The following CCNB1IP1 variants were observed in gnomAD, a reference collection of about 807,000 sequenced individuals.
CCNB1IP1 encodes the protein cyclin B1 interacting protein 1, also known as E3 ubiquitin-protein ligase CCNB1IP1.
CCNB1IP1 carries 14 observed loss-of-function variants against 25.6 expected under a neutral mutation model. The ratio of observed to expected loss-of-function variants is 0.55; its 90% CI spans 0.36 to 0.85. CCNB1IP1 has a LOEUF of 0.85. Among genes scored for constraint, CCNB1IP1 ranks in the 40% least tolerant of loss-of-function variants. The probability of loss-of-function intolerance (pLI) is 0.01; values close to 1 mark genes in which losing one functional copy is unlikely to be tolerated. For synonymous variants in CCNB1IP1, 119 were observed against 116.1 expected (o/e 1.02, Z -0.16); for missense variants, 278 against 342.4 (o/e 0.81, Z 1.48).
chr14:20,313,906 G>A (rs908276222), intron 5 of CCNB1IP1, 105 bp from the exon 6 acceptor site: 3 of 814,412 alleles, frequency 3.7e-6, no homozygotes, highest in African/African-American at 1.7e-5. Context: ...ATATAGGGAT[G>A]TTATTTTATC....
At chr14:20,315,458 G>C (rs919737705) in intron 5 of CCNB1IP1, 10 of 1,084,626 alleles carry the variant, frequency 9.2e-6, no homozygotes, top group Non-Finnish European at 1.1e-5. Context: ...TTGAAAAATA[G>C]AGGAGCATGT....
chr14:20,311,628 A>G lies in CCNB1IP1; in HGVS notation c.756T>C (p.Phe252=). The G allele has an allele frequency of 6.2e-7, 1 of 1,614,120 alleles. No homozygotes were observed. Among genetic ancestry groups the G allele is most frequent in the South Asian group, 1.1e-5 (1 of 91,088 alleles). ...CACGACTTGGAGAGACAAAACTAAA[A>G]AAGCTGTTGCTGGGTTCAGGTGCTG... ...SPTAPEPSNS[F]FSFVSPSREL... The change falls in exon 7 of 7, where the codon TTT becomes TTC. Residue 252 remains phenylalanine, a synonymous_variant. Coordinates refer to ENST00000358932, the MANE Select transcript of CCNB1IP1 (RefSeq NM_021178.5).
rs775929200 is a variant in CCNB1IP1 at position 20,313,465 on chromosome 14, T to C, written c.631+3A>G. The C allele has an allele frequency of 2.5e-6, 4 of 1,569,970 alleles. No individual in the cohort carries two copies. The highest frequency in any genetic ancestry group is 2.3e-5 in the East Asian group (1 of 44,368). ...CAGACACTTGATACATGTCCTTTCT[T>C]ACCTAATGGGAAGCCAAGAACACCA... On this transcript the variant is annotated splice_donor_region_variant and intron_variant, in intron 6 of 6. Transcript: ENST00000358932.
At chr14:20,328,577 AATTT>A (rs1470478832) in intron 2 of CCNB1IP1, among the ~76,000 whole-genome samples, 1 of 151,756 alleles carries the variant, frequency 6.6e-6, no homozygotes, top group South Asian at 2.1e-4. Context: ...ACCTAAAATA[AATTT>A]TTTTAAAAAG....
chr14:20,327,731 A>C (rs1314300171), intron 2 of CCNB1IP1, among the ~76,000 whole-genome samples: 1 of 152,086 alleles, frequency 6.6e-6, no homozygotes, highest in Non-Finnish European at 1.5e-5. Flanking sequence ...TTAAAAATCC[A>C]TAACCTCAGA....
intron 2 of CCNB1IP1, among the ~76,000 whole-genome samples, chr14:20,328,598 A>T (rs541356341): frequency 2.1e-4 from 28 of 132,628 alleles, no homozygotes; most frequent in African/African-American, 4.5e-4. Flanking sequence ...AAAGGAAATT[A>T]AAAAAAAAAC....
chr14:20,328,991 A>G (rs1007990228), intron 2 of CCNB1IP1, among the ~76,000 whole-genome samples, 183 bp downstream of exon 2: 9 of 152,226 alleles, frequency 5.9e-5, no homozygotes, highest in Non-Finnish European at 1.2e-4. Flanking sequence ...GTGTGAACAG[A>G]TGCTTCATGA....
In CCNB1IP1 at chr14:20,313,672, C is replaced by A; in HGVS notation, c.427G>T (p.Val143Phe). Residue 143 changes from valine (V) to phenylalanine (F), a missense_variant, in exon 6 of 7, where the codon GTT (valine) becomes TTT (phenylalanine). Physicochemically the swap from Val to Phe is conservative, Grantham distance 50. Transcript: ENST00000358932. ...DVELTSMKGEVTSMKKVLEEY... is the reference protein window; with the variant it reads ...DVELTSMKGEFTSMKKVLEEY... The stretch of plus-strand genomic sequence containing the variant: ...TCTAGTACTTTCTTCATGGAGGTAA[C>A]CTCCCCTTTCATAGAGGTCAATTCT... 1.2e-6 allele frequency: 2 copies of A among 1,614,144 alleles called. No individual in the cohort carries two copies. Among genetic ancestry groups the A allele is most frequent in the African/African-American group, 1.3e-5 (1 of 75,046 alleles).
intron 1 of CCNB1IP1, among the ~76,000 whole-genome samples, chr14:20,332,630 G>T (rs777214040): frequency 1.2e-4 from 19 of 152,112 alleles, no homozygotes; most frequent in Non-Finnish European, 2.5e-4. Flanking sequence ...CCTGAACTAA[G>T]GTCCCTAATC....
intron 4 of CCNB1IP1, among the ~76,000 whole-genome samples, chr14:20,321,320 C>A (rs1882888328): frequency 6.6e-6 from 1 of 152,178 alleles, no homozygotes; most frequent in African/African-American, 2.4e-5. Context: ...AGATTTGCAA[C>A]AGAAAAGTCT....
chr14:20,333,050 C>G (rs191684867), intron 1 of CCNB1IP1: 1 of 152,258 alleles, frequency 6.6e-6, no homozygotes, highest in Non-Finnish European at 1.5e-5. Context: ...AAGGCAAACC[C>G]AGTACTGCAG....
chr14:20,317,579 G>A (rs1238284815), intron 4 of CCNB1IP1: 2 of 152,244 alleles, frequency 1.3e-5, no homozygotes, highest in East Asian at 3.9e-4. Context: ...AAGCAGAGGA[G>A]CTGGGAAGCT....
intron 5 of CCNB1IP1, among the ~76,000 whole-genome samples, chr14:20,315,136 CAAA>C (rs1159450735): frequency 0.01 from 93 of 9,056 alleles, 1 homozygote; most frequent in African/African-American, 0.038. Context: ...TACACCTCAC[CAAA>C]AAAAAAAAAA....
chr14:20,328,832 G>A (rs1883155778), intron 2 of CCNB1IP1, among the ~76,000 whole-genome samples: 1 of 152,162 alleles, frequency 6.6e-6, no homozygotes, highest in South Asian at 2.1e-4. Context: ...GCTTCAACAA[G>A]TGTCATTCCA....
In CCNB1IP1 at chr14:20,316,388, C is replaced by T. The variant is rs757647253; in HGVS notation, c.136G>A (p.Ala46Thr). ...HGSGEFSRSP[A>T]ICPACNSTLS... The stretch of plus-strand genomic sequence containing the variant: ...GTACTGTTGCAGGCAGGACAGATAG[C>T]TGGTGAGCGACTAAACTCACCACTG... The change falls in exon 5 of 7, where the codon GCT (alanine) becomes ACT (threonine). Residue 46 changes from alanine (A) to threonine (T), a missense_variant. Ala to Thr is a moderately conservative substitution (Grantham distance 58). Transcript: ENST00000358932. 27 of 1,613,996 alleles carry T rather than the reference C, an allele frequency of 1.7e-5. No homozygotes were observed. In the East Asian group the frequency reaches 6.0e-4, roughly 36 times the overall value.
chr14:20,315,666 T>C, intron 5 of CCNB1IP1: 1 of 1,259,430 alleles, frequency 7.9e-7, no homozygotes, highest in Non-Finnish European at 1.0e-6. Context: ...GCGTATTTGA[T>C]AAGAATGCTT....
At chr14:20,322,412 G>A (rs1227915836) in intron 4 of CCNB1IP1, among the ~76,000 whole-genome samples, 1 of 151,878 alleles carries the variant, frequency 6.6e-6, no homozygotes, top group Non-Finnish European at 1.5e-5. Flanking sequence ...GGCAAAAGAA[G>A]GTATCCTGCT....
chr14:20,331,818 G>T (rs1427425381), intron 1 of CCNB1IP1, among the ~76,000 whole-genome samples: 1 of 151,088 alleles, frequency 6.6e-6, no homozygotes, highest in Non-Finnish European at 1.5e-5. Flanking sequence ...TAGTAGAGTA[G>T]GTATAGTAAA....
At chr14:20,321,599 G>A (rs1882898359) in intron 4 of CCNB1IP1, among the ~76,000 whole-genome samples, 1 of 152,014 alleles carries the variant, frequency 6.6e-6, no homozygotes, top group South Asian at 2.1e-4. Context: ...CTACAGGCAC[G>A]CTGCCCCACC....
Sources: gnomAD v4.1 joint callset for allele counts (sites outside exome capture counted in the v4.1 genomes callset) on GRCh38, gnomAD v4.1.1 for gene constraint, MANE v1.5 for transcripts, NCBI Gene and HGNC (gene_info 2026-07-23, HGNC 2026-07-21) for gene names.